Variants in VCL observed in about 807,000 individuals in gnomAD.
VCL encodes epididymis luminal protein 114.
In VCL, 47 loss-of-function variants were observed where a neutral mutation model predicts 125.7. The observed-to-expected ratio is 0.37, with a 90% CI of 0.30 to 0.48. VCL has a LOEUF of 0.48. VCL is among the 20% of genes least tolerant of loss of function. The pLI is 0.99. For synonymous variants in VCL, 458 were observed against 514.6 expected, an observed-to-expected ratio of 0.89 and a Z score of 1.49; for missense variants, 1,069 against 1,455.5, an observed-to-expected ratio of 0.73 and a Z score of 4.32.
chr10:74,065,103 C>T (rs1016306884), intron 2 of VCL, among the ~76,000 whole-genome samples: 44 of 150,268 alleles, frequency 2.9e-4, no homozygotes, highest in Non-Finnish European at 1.5e-4. Flanking sequence ...AAATGCAGGG[C>T]TGGGCACAGT....
intron 1 of VCL, among the ~76,000 whole-genome samples, chr10:74,009,829 G>A (rs1320695908): frequency 6.6e-6 from 1 of 151,468 alleles, no homozygotes. Context: ...GGCTGGTCTT[G>A]AACTCCTGAC....
rs566257885 is a variant in VCL, at chr10:74,105,224, A to G, written c.2305A>G (p.Arg769Gly). 8.1e-6 allele frequency: 13 copies of G among 1,614,186 alleles called. No individual in the cohort carries two copies. Among genetic ancestry groups the G allele is most frequent in the African/African-American group, 1.3e-5 (1 of 75,046 alleles). Residue 769 changes from arginine to glycine, a missense_variant, in exon 16 of 22, where the codon AGG (arginine) becomes GGG (glycine). This residue lies in a region of VCL where 760 missense variants were observed against 928.9 expected (regional missense o/e 0.82). Coordinates refer to ENST00000211998, the MANE Select transcript of VCL (RefSeq NM_014000.3). ...CAACCGGATCCTGCTGGTGGCTAAG[A>G]GGGAGGTGGAGAATTCCGAGGATCC... ...RANRILLVAK[R>G]EVENSEDPKF...
At chr10:74,049,552 T>C (rs1339534642) in intron 2 of VCL, among the ~76,000 whole-genome samples, 5 of 151,832 alleles carry the variant, frequency 3.3e-5, no homozygotes, top group Non-Finnish European at 7.4e-5. Context: ...CTTGGGAGGA[T>C]GGTTAGATGT....
chr10:74,022,266 C>T (rs1048539041), intron 1 of VCL, among the ~76,000 whole-genome samples: 4 of 152,080 alleles, frequency 2.6e-5, no homozygotes, highest in Non-Finnish European at 5.9e-5. Context: ...AAACTTCAGG[C>T]CAGGCACGGT....
At chr10:74,047,171 C>A (rs973193840) in intron 2 of VCL, among the ~76,000 whole-genome samples, 10 of 152,140 alleles carry the variant, frequency 6.6e-5, no homozygotes, top group Non-Finnish European at 1.0e-4. Context: ...GTGGCTCACG[C>A]CTGTAATCCC....
At chr10:74,085,405 A>G (rs1347562571) in intron 8 of VCL, among the ~76,000 whole-genome samples, 1 of 152,194 alleles carries the variant, frequency 6.6e-6, no homozygotes, top group African/African-American at 2.4e-5. Flanking sequence ...ACCTCATAAA[A>G]AAATCATTTA....
intron 1 of VCL, among the ~76,000 whole-genome samples, chr10:74,008,607 G>C (rs1303694379): frequency 6.6e-6 from 1 of 152,168 alleles, no homozygotes; most frequent in Non-Finnish European, 1.5e-5. Flanking sequence ...TATGGCAAGA[G>C]ACAAAGATAT....
chr10:73,998,936 A>C (rs1840171731), intron 1 of VCL, among the ~76,000 whole-genome samples: 1 of 147,670 alleles, frequency 6.8e-6, no homozygotes, highest in Non-Finnish European at 1.5e-5. Flanking sequence ...CCCGCTCCCC[A>C]GAGCTCCCTG....
At chr10:74,076,376 T>C (rs1474030377) in intron 6 of VCL, 1 of 152,638 alleles carries the variant, frequency 6.6e-6, no homozygotes, top group Non-Finnish European at 1.5e-5. Flanking sequence ...GTGCCTTCAG[T>C]TCTTTGGGTA....
At position 74,097,390 on chromosome 10, in the gene VCL, G is replaced by C; in HGVS notation, c.1872+58G>C. 1 of 1,595,534 alleles carries C rather than the reference G, an allele frequency of 6.3e-7. No homozygotes were observed. The highest frequency in any genetic ancestry group is 8.5e-7 in the Non-Finnish European group (1 of 1,173,544). On this transcript the variant is annotated intron_variant, in intron 13 of 21. Coordinates refer to ENST00000211998, the MANE Select transcript of VCL (RefSeq NM_014000.3). The surrounding 1 kb of genome is among the most constrained non-coding windows in gnomAD (Gnocchi z 4.1). ...GCCTGTGCTATAGGTATATGTAAAG[G>C]TGAAATGTGATTACAGTGGACATCA...
chr10:74,052,946 A>AAT (rs71021589), intron 2 of VCL, among the ~76,000 whole-genome samples: 1,450 of 99,776 alleles, frequency 0.015, 24 homozygotes, highest in South Asian at 0.059. Context: ...GAAAAAAAAA[A>AAT]ATATATATAT....
chr10:74,072,297 C>T (rs2136273606), intron 4 of VCL, among the ~76,000 whole-genome samples: 1 of 152,090 alleles, frequency 6.6e-6, no homozygotes, highest in South Asian at 2.1e-4. Context: ...GAAAACAAAA[C>T]ATATCATTGT....
At chr10:74,114,737 C>T (rs1223357620) in intron 20 of VCL, 58 bp from the exon 21 acceptor site, 13 of 1,535,216 alleles carry the variant, frequency 8.5e-6, no homozygotes, top group Middle Eastern at 1.8e-4. Context: ...GTCTTGCCTT[C>T]AAGGAGCTTG....
At chr10:74,099,718 G>A (rs993651670) in intron 13 of VCL, among the ~76,000 whole-genome samples, 1 of 152,176 alleles carries the variant, frequency 6.6e-6, no homozygotes, top group African/African-American at 2.4e-5. Flanking sequence ...GGTCAACCAA[G>A]GATATTAGGT....
intron 2 of VCL, among the ~76,000 whole-genome samples, chr10:74,043,972 G>T (rs561642981): frequency 6.6e-6 from 1 of 151,920 alleles, no homozygotes; most frequent in African/African-American, 2.4e-5. Context: ...TTAGCCAGGC[G>T]TGGTGGCGGG....
chr10:74,023,920 C>T (rs1436529406), intron 1 of VCL, among the ~76,000 whole-genome samples: 3 of 152,234 alleles, frequency 2.0e-5, no homozygotes, highest in Admixed American at 1.3e-4. Flanking sequence ...TTTTCAGCAA[C>T]TTCAGAACTG....
chr10:74,083,056 AGT>A (rs1488663572), intron 7 of VCL, among the ~76,000 whole-genome samples: 2 of 152,262 alleles, frequency 1.3e-5, no homozygotes, highest in Non-Finnish European at 2.9e-5. Flanking sequence ...AAAAACCTAA[AGT>A]AGGTTGGAGG....
At chr10:74,013,846 T>G (rs1840483194) in intron 1 of VCL, among the ~76,000 whole-genome samples, 1 of 152,196 alleles carries the variant, frequency 6.6e-6, no homozygotes, top group Admixed American at 6.5e-5. Context: ...TACTATATTT[T>G]CCCATGATTT....
intron 20 of VCL, 21 bp downstream of exon 20, chr10:74,114,408 CGTGTGTGTGT>C (rs3037359): frequency 1.5e-3 from 2,108 of 1,443,250 alleles, no homozygotes; most frequent in African/African-American, 3.2e-3. Context: ...AAAGAGGCTG[CGTGTGTGTGT>C]GTGTGTGTGT....
Sources: allele counts gnomAD v4.1 joint callset (sites outside exome capture counted in the v4.1 genomes callset), GRCh38; gene constraint gnomAD v4.1.1; regional missense constraint gnomAD v4.1.1; non-coding constraint Gnocchi (gnomAD v3.1); transcripts MANE v1.5; gene names NCBI Gene and HGNC (gene_info 2026-07-23, HGNC 2026-07-21).